HNRNPA1L2: variants seen among roughly 807,000 people sequenced by gnomAD.
HNRNPA1L2 encodes heterogeneous nuclear ribonucleoprotein A1 like 2.
Under a neutral mutation model 18.2 loss-of-function variants are expected in HNRNPA1L2, and 10 were observed. The observed-to-expected ratio is 0.55, with a 90% confidence interval of 0.34 to 0.93. The LOEUF is 0.93. Ranked by LOEUF, HNRNPA1L2 falls within the 40% of genes least tolerant of loss-of-function variation. HNRNPA1L2 has a pLI of 0.02. For missense variants in HNRNPA1L2, 308 were observed against 394.4 expected (o/e 0.78, Z 1.85); for synonymous variants, 124 against 138.6 (o/e 0.89, Z 0.74).
chr13:52,618,790 T>A, the HNRNPA1L2 span, among the ~76,000 whole-genome samples: 4 of 152,176 alleles, frequency 2.6e-5, no homozygotes, highest in Admixed American at 6.5e-5. Flanking sequence ...GCATTTGAAG[T>A]ACTGATGAGA....
At chr13:52,641,703 T>C (rs1218093651), upstream of HNRNPA1L2, 1 of 152,242 alleles carries the variant, frequency 6.6e-6, no homozygotes, top group Non-Finnish European at 1.5e-5. Flanking sequence ...AGTGGTTTTT[T>C]AAATCTTTTC....
At chr13:52,627,915 T>G in the HNRNPA1L2 span, among the ~76,000 whole-genome samples, 1 of 152,070 alleles carries the variant, frequency 6.6e-6, no homozygotes, top group African/African-American at 2.4e-5. Context: ...GTTAAATAGC[T>G]TGCTGGTTTT....
the HNRNPA1L2 span, among the ~76,000 whole-genome samples, chr13:52,636,894 C>T: frequency 1.8e-4 from 27 of 152,230 alleles, no homozygotes; most frequent in South Asian, 2.1e-4. Flanking sequence ...TGCAGTGGCC[C>T]GATCTTGGCT....
chr13:52,637,013 A>C, the HNRNPA1L2 span, among the ~76,000 whole-genome samples: 1 of 152,016 alleles, frequency 6.6e-6, no homozygotes, highest in Non-Finnish European at 1.5e-5. Flanking sequence ...TTGTATTTTA[A>C]GTAGAGATGG....
the HNRNPA1L2 span, chr13:52,617,808 G>C: frequency 2.6e-6 from 1 of 392,106 alleles, no homozygotes; most frequent in Non-Finnish European, 4.6e-6. Flanking sequence ...AGAAGCTATT[G>C]CTTTAAATCT....
chr13:52,640,813 C>T (rs886273009), upstream of HNRNPA1L2: 1 of 152,212 alleles, frequency 6.6e-6, no homozygotes, highest in African/African-American at 2.4e-5. Flanking sequence ...GGAGCTCTGC[C>T]TTATGTCCTG....
the HNRNPA1L2 span, among the ~76,000 whole-genome samples, chr13:52,623,080 G>C: frequency 6.6e-6 from 1 of 152,084 alleles, no homozygotes; most frequent in African/African-American, 2.4e-5. Context: ...GGTAGAGTAA[G>C]CTAATTCAGA....
chr13:52,626,236 G>A, the HNRNPA1L2 span, among the ~76,000 whole-genome samples: 1 of 151,710 alleles, frequency 6.6e-6, no homozygotes, highest in Non-Finnish European at 1.5e-5. Flanking sequence ...AGAAAGCCAG[G>A]CATAATAAAA....
At chr13:52,630,476 T>G in the HNRNPA1L2 span, among the ~76,000 whole-genome samples, 1 of 152,146 alleles carries the variant, frequency 6.6e-6, no homozygotes, top group Non-Finnish European at 1.5e-5. Context: ...GGTTTCACCA[T>G]GTTGGCCAGG....
rs1328123294 is a variant in HNRNPA1L2 at position 52,643,315 on chromosome 13, C to T, written c.823C>T (p.Pro275Ser). The change falls in exon 1 of 1, where the codon CCC (proline) becomes TCC (serine). Residue 275 changes from proline (P) to serine (S), a missense_variant. Transcript: ENST00000357495. ...CAACAATCAGTCTTCAAATTTTGGACCCATGAAGGGAGGAAATTTTGGAGG... is the reference window on the plus strand; with the variant it reads ...CAACAATCAGTCTTCAAATTTTGGATCCATGAAGGGAGGAAATTTTGGAGG... ...NYNNQSSNFG[P>S]MKGGNFGGRS... The T allele has an allele frequency of 5.6e-6, 9 of 1,596,334 alleles. No individual in the cohort carries two copies. Among genetic ancestry groups the T allele is most frequent in the Middle Eastern group, 2.1e-4 (1 of 4,858 alleles).
the HNRNPA1L2 span, among the ~76,000 whole-genome samples, chr13:52,624,911 A>G: frequency 6.6e-6 from 1 of 152,036 alleles, no homozygotes; most frequent in South Asian, 2.1e-4. Context: ...TGGGACTGTA[A>G]TCGCAGTTAC....
chr13:52,629,678 A>G, the HNRNPA1L2 span, among the ~76,000 whole-genome samples: 338 of 152,332 alleles, frequency 2.2e-3, 2 homozygotes, highest in South Asian at 6.2e-3. Flanking sequence ...TGTAAGAAAC[A>G]TTATTTTTCA....
chr13:52,626,208 GGT>G, the HNRNPA1L2 span, among the ~76,000 whole-genome samples: 1 of 151,890 alleles, frequency 6.6e-6, no homozygotes, highest in South Asian at 2.1e-4. Flanking sequence ...TTGAATATTA[GGT>G]AATAGATCAT....
At chr13:52,622,686 T>G in the HNRNPA1L2 span, among the ~76,000 whole-genome samples, 1 of 152,276 alleles carries the variant, frequency 6.6e-6, no homozygotes, top group Non-Finnish European at 1.5e-5. Context: ...GGAATAAAGT[T>G]TAGCACGTTG....
the HNRNPA1L2 span, among the ~76,000 whole-genome samples, chr13:52,635,710 G>C: frequency 6.6e-6 from 1 of 151,560 alleles, no homozygotes; most frequent in South Asian, 2.1e-4. Flanking sequence ...CACACAGTAC[G>C]TACTCTTTTG....
the HNRNPA1L2 span, among the ~76,000 whole-genome samples, chr13:52,629,033 G>A: frequency 1.3e-5 from 2 of 152,048 alleles, no homozygotes; most frequent in Non-Finnish European, 2.9e-5. Flanking sequence ...CTGCCACTGT[G>A]CCCAGCTAAT....
chr13:52,620,230 C>T, the HNRNPA1L2 span, among the ~76,000 whole-genome samples: 2,092 of 152,246 alleles, frequency 0.014, 46 homozygotes, highest in African/African-American at 0.048. Flanking sequence ...TTGAGCTCAC[C>T]TGCATCAGAA....
chr13:52,618,481 G>A, the HNRNPA1L2 span, among the ~76,000 whole-genome samples: 1 of 152,196 alleles, frequency 6.6e-6, no homozygotes, highest in Non-Finnish European at 1.5e-5. Context: ...AAGATGGGAA[G>A]GACCAGCTGA....
At chr13:52,620,327 A>G in the HNRNPA1L2 span, among the ~76,000 whole-genome samples, 1 of 152,220 alleles carries the variant, frequency 6.6e-6, no homozygotes, top group Non-Finnish European at 1.5e-5. Flanking sequence ...GTTTTAAGTC[A>G]GCTGCCTATG....
Sources: allele counts gnomAD v4.1 joint callset (sites outside exome capture counted in the v4.1 genomes callset), GRCh38; gene constraint gnomAD v4.1.1; transcripts MANE v1.5; gene names NCBI Gene and HGNC (gene_info 2026-07-23, HGNC 2026-07-21).